Variants in EFTUD2 observed in about 807,000 individuals in gnomAD.
EFTUD2 encodes 116 kDa U5 small nuclear ribonucleoprotein component.
Under a neutral mutation model 114.3 loss-of-function variants are expected in EFTUD2, and 9 were observed. The observed-to-expected ratio is 0.08, with a 90% CI of 0.05 to 0.14. The LOEUF (loss-of-function observed/expected upper bound fraction) is 0.14. Ranked by LOEUF, EFTUD2 falls within the 10% of genes least tolerant of loss-of-function variation. The probability of loss-of-function intolerance (pLI) is 1.00; values close to 1 mark genes in which losing one functional copy is unlikely to be tolerated. For missense variants in EFTUD2, 765 were observed against 1,241.2 expected, an observed-to-expected ratio of 0.62 and a Z score of 5.76; for synonymous variants, 449 against 462.3, an observed-to-expected ratio of 0.97 and a Z score of 0.37.
chr17:44,870,696 T>A (rs1394068646), intron 11 of EFTUD2, among the ~76,000 whole-genome samples: 2 of 152,184 alleles, frequency 1.3e-5, no homozygotes, highest in African/African-American at 4.8e-5. Flanking sequence ...TTGTAACATC[T>A]TCTTTTCTCC....
At chr17:44,894,626 C>A in intron 1 of EFTUD2, 101 bp from the exon 2 acceptor site, 1 of 820,562 alleles carries the variant, frequency 1.2e-6, no homozygotes, top group South Asian at 1.4e-5. Flanking sequence ...TGGCCATACC[C>A]CTTTCACATG....
Position 44,852,463 on chromosome 17 carries a change from G to A in EFTUD2, c.2661C>T (p.Leu887=), listed in dbSNP as rs774324001. ...AIDSFGFETD[L]RTHTQGQAFS... ...AGGCTTGTCCCTGGGTGTGAGTCCG[G>A]AGATCAGTCTCAAAGCCAAAAGAGT... is the stretch of plus-strand genomic sequence containing the variant. Residue 887 remains leucine, a synonymous_variant, in exon 26 of 28, where the codon CTC becomes CTT. Transcript: ENST00000426333. 7.8e-5 allele frequency: 126 copies of A among 1,614,022 alleles called. No homozygotes were observed. Among genetic ancestry groups the A allele is most frequent in the Non-Finnish European group, 1.0e-4 (122 of 1,180,030 alleles).
chr17:44,896,535 T>C (rs924242987), intron 1 of EFTUD2, among the ~76,000 whole-genome samples: 1 of 152,080 alleles, frequency 6.6e-6, no homozygotes, highest in African/African-American at 2.4e-5. Flanking sequence ...TAGTCCCAGC[T>C]ACTCAGCAGG....
At chr17:44,890,279 C>T (rs973918763) in intron 2 of EFTUD2, among the ~76,000 whole-genome samples, 1 of 151,882 alleles carries the variant, frequency 6.6e-6, no homozygotes, top group Non-Finnish European at 1.5e-5. Flanking sequence ...CTCAGCCTCC[C>T]AAAGTGCTGG....
At position 44,851,843 on chromosome 17, in the gene EFTUD2, G is replaced by T. The variant is rs555217448; in HGVS notation, c.2716-26C>A. On this transcript the variant is annotated intron_variant, in intron 26 of 27. Coordinates refer to ENST00000426333, the MANE Select transcript of EFTUD2 (RefSeq NM_004247.4). ...CTAAAAGGCAAAGGAATTTCAGATG[G>T]CCCAGGCAGAATTCCCAGAAGATTC... 5 of 1,583,324 alleles carry T rather than the reference G, an allele frequency of 3.2e-6. 1 individual carries two copies. In the Middle Eastern group the frequency reaches 8.3e-4, roughly 263 times the overall value.
At position 44,875,979 on chromosome 17, in the gene EFTUD2, T is replaced by C; in HGVS notation, c.824A>G (p.Tyr275Cys). Residue 275 changes from tyrosine (Y) to cysteine (C), a missense_variant, in exon 10 of 28, where the codon TAT becomes TGT. By Grantham distance (194) the Tyr-to-Cys change is radical. Transcript: ENST00000426333. The part of the protein sequence containing the change: ...LELKLPPTDA[Y>C]YKLRHIVDEV... ...ATCCACAATGTGGCGCAGCTTGTAA[T>C]AAGCATCAGTTGGAGGCAGCTTCAG... 6.2e-7 allele frequency: 1 copy of C among 1,614,112 alleles called. No homozygotes were observed. Among genetic ancestry groups the C allele is most frequent in the Non-Finnish European group, 8.5e-7 (1 of 1,180,036 alleles).
At chr17:44,864,758 T>C (rs2050715539) in intron 14 of EFTUD2, among the ~76,000 whole-genome samples, 172 bp downstream of exon 14, 1 of 152,210 alleles carries the variant, frequency 6.6e-6, no homozygotes, top group Admixed American at 6.6e-5. Flanking sequence ...TGTGCCATCA[T>C]CCACTAAGGA....
intron 6 of EFTUD2, 102 bp from the exon 7 acceptor site, chr17:44,881,824 T>C: frequency 8.9e-7 from 1 of 1,123,312 alleles, no homozygotes; most frequent in African/African-American, 1.5e-5. Flanking sequence ...CAAGGGTTTC[T>C]TTGAGATTAA....
intron 26 of EFTUD2, among the ~76,000 whole-genome samples, chr17:44,852,058 C>T (rs922982493): frequency 3.9e-5 from 6 of 152,042 alleles, no homozygotes; most frequent in African/African-American, 1.4e-4. Context: ...GCTGGGATTA[C>T]AGGCATGCAC....
Position 44,854,538 on chromosome 17 carries a change from C to T in EFTUD2, c.2259+18G>A, listed in dbSNP as rs2050512567. ...GAGGTAAGAGACCGCCACCCAGTTC[C>T]CATCAGTTCTGCTGTACCTCAGAGG... On this transcript the variant is annotated intron_variant, in intron 22 of 27. Transcript: ENST00000426333. This position sits in a 1 kb window ranked among gnomAD's most constrained non-coding sequence, Gnocchi z 4.3. The T allele has an allele frequency of 1.2e-6, 2 of 1,609,796 alleles. No individual in the cohort carries two copies. The highest frequency in any genetic ancestry group is 2.2e-5 in the South Asian group (2 of 90,640).
At chr17:44,899,220 C>T (rs2051465144) in intron 1 of EFTUD2, 149 bp downstream of exon 1, 1 of 152,244 alleles carries the variant, frequency 6.6e-6, no homozygotes, top group Non-Finnish European at 1.5e-5. Flanking sequence ...CAGGGTCTTC[C>T]ATTCTTTTTC....
At chr17:44,860,662 A>G in intron 16 of EFTUD2, 119 bp from the exon 17 acceptor site, 1 of 659,878 alleles carries the variant, frequency 1.5e-6, no homozygotes, top group Admixed American at 2.7e-5. Flanking sequence ...GCAGTGGCAC[A>G]ATCTTGGCTC....
chr17:44,893,490 G>A (rs2051319748), intron 2 of EFTUD2, among the ~76,000 whole-genome samples: 1 of 152,160 alleles, frequency 6.6e-6, no homozygotes, highest in African/African-American at 2.4e-5. Flanking sequence ...AGCTGTAGCT[G>A]GAAGAGTTGA....
intron 3 of EFTUD2, 134 bp from the exon 4 acceptor site, chr17:44,885,468 A>G (rs2051151538): frequency 3.0e-6 from 2 of 659,592 alleles, no homozygotes; most frequent in Middle Eastern, 2.9e-4. Flanking sequence ...AGGATCACTC[A>G]TATGTTGAGA....
At chr17:44,890,641 G>C (rs900718886) in intron 2 of EFTUD2, among the ~76,000 whole-genome samples, 1 of 150,520 alleles carries the variant, frequency 6.6e-6, no homozygotes, top group Non-Finnish European at 1.5e-5. Flanking sequence ...ACAGTGAGCC[G>C]AGATCATGCC....
intron 2 of EFTUD2, among the ~76,000 whole-genome samples, chr17:44,887,971 T>C (rs1258602284): frequency 6.6e-6 from 1 of 152,208 alleles, no homozygotes; most frequent in East Asian, 1.9e-4. Flanking sequence ...ACTTAATATG[T>C]GCTAAGCACT....
At position 44,850,364 on chromosome 17, in the gene EFTUD2, A is replaced by G. The variant is rs1306622984; in HGVS notation, c.*910T>C. ...GTACACAATGTACAGCGATTACGTC[A>G]AGAGGATGGCACAGGATGCTGGAGA... On this transcript the variant is annotated 3_prime_UTR_variant, in exon 28 of 28. Coordinates refer to ENST00000426333, the MANE Select transcript of EFTUD2 (RefSeq NM_004247.4). 6.2e-7 allele frequency: 1 copy of G among 1,613,368 alleles called. No individual in the cohort carries two copies. Among genetic ancestry groups the G allele is most frequent in the African/African-American group, 1.3e-5 (1 of 74,936 alleles).
chr17:44,880,098 C>T (rs1363043620), intron 8 of EFTUD2, among the ~76,000 whole-genome samples: 3 of 152,170 alleles, frequency 2.0e-5, no homozygotes, highest in Admixed American at 6.5e-5. Context: ...TCAGCCAAAA[C>T]CTAAAACCTT....
intron 6 of EFTUD2, among the ~76,000 whole-genome samples, chr17:44,882,401 A>G (rs760038080): frequency 1.3e-5 from 2 of 151,846 alleles, no homozygotes; most frequent in Non-Finnish European, 2.9e-5. Flanking sequence ...ACAGGTGTGC[A>G]CCACCGTGCC....
Sources: gnomAD v4.1 joint callset for allele counts (sites outside exome capture counted in the v4.1 genomes callset) on GRCh38, gnomAD v4.1.1 for gene constraint, Gnocchi (gnomAD v3.1) non-coding constraint, MANE v1.5 for transcripts, NCBI Gene and HGNC (gene_info 2026-07-23, HGNC 2026-07-21) for gene names.